GPR158: variants seen among roughly 807,000 people sequenced by gnomAD.
GPR158 encodes metabotropic glycine receptor.
GPR158 carries 30 observed loss-of-function variants against 78.2 expected under a neutral mutation model. That is an observed-to-expected ratio of 0.38 (90% CI 0.29 to 0.52). The LOEUF is 0.52. Ranked by LOEUF, GPR158 falls within the 20% of genes least tolerant of loss-of-function variation. The pLI, the probability that GPR158 is intolerant of heterozygous loss-of-function variation, is 0.83. For missense variants in GPR158, 1,463 were observed against 1,523.5 expected, an observed-to-expected ratio of 0.96 and a Z score of 0.66; for synonymous variants, 581 against 591.1, an observed-to-expected ratio of 0.98 and a Z score of 0.25.
chr10:25,447,424 C>A (rs574573211), intron 4 of GPR158, among the ~76,000 whole-genome samples: 1 of 152,278 alleles, frequency 6.6e-6, no homozygotes, highest in South Asian at 2.1e-4. Context: ...TAGTTACCAC[C>A]TTATGTGTGG....
At chr10:25,517,374 G>C (rs1836192849) in intron 5 of GPR158, among the ~76,000 whole-genome samples, 1 of 151,984 alleles carries the variant, frequency 6.6e-6, no homozygotes, top group Non-Finnish European at 1.5e-5. Context: ...TCCTTCTTCT[G>C]CCTGATTGCC....
intron 4 of GPR158, among the ~76,000 whole-genome samples, chr10:25,455,193 T>C (rs1835274590): frequency 6.6e-6 from 1 of 152,176 alleles, no homozygotes; most frequent in South Asian, 2.1e-4. Context: ...GTATAGGTCA[T>C]TCAGGTGGAA....
intron 2 of GPR158, among the ~76,000 whole-genome samples, chr10:25,357,375 A>G (rs1356182874): frequency 6.6e-6 from 1 of 152,150 alleles, no homozygotes; most frequent in African/African-American, 2.4e-5. Context: ...CGATGGGCAC[A>G]ATATCTCCAG....
intron 7 of GPR158, among the ~76,000 whole-genome samples, chr10:25,578,703 G>T (rs1229477027): frequency 6.6e-6 from 1 of 152,058 alleles, no homozygotes; most frequent in Non-Finnish European, 1.5e-5. Context: ...TTGTCCTAGA[G>T]CTATCTAAAG....
Position 25,598,888 on chromosome 10 carries a change from T to C in GPR158, c.3262T>C (p.Leu1088=). 1 of 1,614,064 alleles carries C rather than the reference T, an allele frequency of 6.2e-7. No homozygotes were observed. The highest frequency in any genetic ancestry group is 8.5e-7 in the Non-Finnish European group (1 of 1,180,022). The stretch of plus-strand genomic sequence containing the variant: ...GTCCATTTTGGAAGATGAGAAGCTT[T>C]TGATTTCCAAGACTCCAGTTCTCCC... ...GQSILEDEKL[L]ISKTPVLPER... The change falls in exon 11 of 11, where the codon TTG becomes CTG. Residue 1088 remains leucine (L), a synonymous_variant. Coordinates refer to ENST00000376351, the MANE Select transcript of GPR158 (RefSeq NM_020752.3).
intron 5 of GPR158, among the ~76,000 whole-genome samples, chr10:25,515,558 C>A (rs1225822397): frequency 7.9e-6 from 1 of 126,678 alleles, no homozygotes; most frequent in African/African-American, 3.0e-5. Context: ...TGTGATATTC[C>A]CCTTCCTGTG....
At chr10:25,357,332 A>T (rs1855567877) in intron 2 of GPR158, among the ~76,000 whole-genome samples, 1 of 152,154 alleles carries the variant, frequency 6.6e-6, no homozygotes, top group South Asian at 2.1e-4. Context: ...AAATTTGCAT[A>T]AGTAATGAGG....
chr10:25,291,905 A>G (rs1039686926), intron 2 of GPR158, among the ~76,000 whole-genome samples: 2 of 152,110 alleles, frequency 1.3e-5, no homozygotes, highest in Non-Finnish European at 2.9e-5. Context: ...ATCCTTACAA[A>G]TATTGATATC....
intron 2 of GPR158, among the ~76,000 whole-genome samples, chr10:25,252,360 G>A (rs1257855701): frequency 2.0e-4 from 31 of 152,266 alleles, no homozygotes; most frequent in Admixed American, 4.6e-4. Context: ...CTGGTGAGGA[G>A]CTGCGTTCCT....
intron 1 of GPR158, among the ~76,000 whole-genome samples, chr10:25,178,767 A>G (rs1046771791): frequency 6.6e-6 from 1 of 152,196 alleles, no homozygotes; most frequent in Non-Finnish European, 1.5e-5. Flanking sequence ...AGTAGAAACC[A>G]GAAGAAAATC....
intron 2 of GPR158, among the ~76,000 whole-genome samples, chr10:25,250,948 A>C (rs532752523): frequency 6.6e-6 from 1 of 151,376 alleles, no homozygotes; most frequent in Non-Finnish European, 1.5e-5. Flanking sequence ...GTGGGCGTCT[A>C]AGTCTCTTTG....
At chr10:25,318,392 C>T (rs1473531151) in intron 2 of GPR158, among the ~76,000 whole-genome samples, 4 of 151,910 alleles carry the variant, frequency 2.6e-5, no homozygotes, top group African/African-American at 9.7e-5. Context: ...ACACTTTGAT[C>T]TATTAGGACT....
At chr10:25,589,323 C>A (rs569707566) in intron 8 of GPR158, among the ~76,000 whole-genome samples, 178 bp downstream of exon 8, 1 of 152,236 alleles carries the variant, frequency 6.6e-6, no homozygotes, top group East Asian at 1.9e-4. Context: ...AGCTGTTGTT[C>A]TTAGTTCCTT....
chr10:25,238,787 C>G (rs1255952023), intron 2 of GPR158, among the ~76,000 whole-genome samples: 4 of 152,152 alleles, frequency 2.6e-5, no homozygotes, highest in African/African-American at 2.4e-5. Context: ...TTGTAATATA[C>G]CTGCAGAACA....
At chr10:25,440,050 A>C (rs1345260297) in intron 4 of GPR158, among the ~76,000 whole-genome samples, 5 of 152,176 alleles carry the variant, frequency 3.3e-5, no homozygotes, top group African/African-American at 1.2e-4. Flanking sequence ...ACCTGTAATT[A>C]TATAACCTGG....
intron 2 of GPR158, among the ~76,000 whole-genome samples, chr10:25,338,443 T>C (rs1194626946): frequency 6.9e-6 from 1 of 144,030 alleles, no homozygotes; most frequent in Non-Finnish European, 1.5e-5. Context: ...ACGTATTATA[T>C]ATACGTAATA....
intron 4 of GPR158, among the ~76,000 whole-genome samples, chr10:25,449,673 GT>G (rs1835188055): frequency 6.6e-6 from 1 of 152,156 alleles, no homozygotes; most frequent in Non-Finnish European, 1.5e-5. Context: ...GTACCAAATA[GT>G]GACTATAGTT....
At chr10:25,192,320 CTG>C (rs1852783528) in intron 1 of GPR158, among the ~76,000 whole-genome samples, 1 of 152,196 alleles carries the variant, frequency 6.6e-6, no homozygotes, top group African/African-American at 2.4e-5. Context: ...CCAAATGGAA[CTG>C]TGAGTCAATT....
At position 25,388,221 on chromosome 10, in the gene GPR158, C is replaced by T. The variant is rs557775186; in HGVS notation, c.1009-7690C>T. 9.7e-4 allele frequency among the ~76,000 whole-genome samples: 148 copies of T among 152,300 alleles called. 1 individual carries two copies. The highest frequency in any genetic ancestry group is 3.4e-3 in the Middle Eastern group (1 of 294). ...TCAGGGGTACAATAATGACGGCAAT[C>T]GTGGGCCATCCAGAGCAGCTGCTGT... On this transcript the variant is annotated intron_variant, in intron 2 of 10. Coordinates refer to ENST00000376351, the MANE Select transcript of GPR158 (RefSeq NM_020752.3).
Sources: gnomAD v4.1 joint callset for allele counts (sites outside exome capture counted in the v4.1 genomes callset) on GRCh38, gnomAD v4.1.1 for gene constraint, MANE v1.5 for transcripts, NCBI Gene and HGNC (gene_info 2026-07-23, HGNC 2026-07-21) for gene names.